Variants in SLC67A1 observed in about 807,000 individuals in gnomAD.
The protein encoded by SLC67A1 is solute carrier family 67 member A1.
At chr11:2,923,889 G>A in the SLC67A1 span, among the ~76,000 whole-genome samples, 2 of 152,236 alleles carry the variant, frequency 1.3e-5, no homozygotes, top group Non-Finnish European at 2.9e-5. The surrounding 1 kb of genome is among the most constrained non-coding windows in gnomAD (Gnocchi z 6.5). Context: ...ACTGCACCCT[G>A]AGTCTGCAGA....
chr11:2,918,006 T>G, the SLC67A1 span: 11 of 1,613,174 alleles, frequency 6.8e-6, no homozygotes, highest in Middle Eastern at 1.6e-4. Context: ...CGGGCCAGTG[T>G]GTTCGACCTG....
At chr11:2,924,971 G>T in the SLC67A1 span, 1 of 1,559,958 alleles carries the variant, frequency 6.4e-7, no homozygotes, top group South Asian at 1.2e-5. The surrounding 1 kb of genome is among the most constrained non-coding windows in gnomAD (Gnocchi z 8.6). Flanking sequence ...TTGGCCCAGG[G>T]AGCTGCCCAG....
the SLC67A1 span, chr11:2,902,836 G>T: frequency 2.1e-4 from 155 of 731,750 alleles, 4 homozygotes; most frequent in Admixed American, 9.6e-3. Context: ...GACCTTCCCT[G>T]AGAGCTGCAC....
At chr11:2,919,556 A>G in the SLC67A1 span, 1 of 636,738 alleles carries the variant, frequency 1.6e-6, no homozygotes, top group Non-Finnish European at 2.8e-6. Flanking sequence ...AACCAGGCAT[A>G]CAGGCCAGGG....
At chr11:2,917,092 G>A in the SLC67A1 span, 1 of 282,244 alleles carries the variant, frequency 3.5e-6, no homozygotes, top group Non-Finnish European at 7.0e-6. Context: ...GGGTGGGTGG[G>A]CCAGCAAGGC....
chr11:2,902,092 G>A, the SLC67A1 span: 2 of 152,236 alleles, frequency 1.3e-5, no homozygotes, highest in African/African-American at 4.8e-5. Context: ...CGGGCACGGG[G>A]CGAGCCCGCT....
At chr11:2,901,473 G>C in the SLC67A1 span, among the ~76,000 whole-genome samples, 682 of 152,368 alleles carry the variant, frequency 4.5e-3, 3 homozygotes, top group African/African-American at 0.015. Flanking sequence ...CTTGCCTGGG[G>C]AGGAGGTGGG....
the SLC67A1 span, chr11:2,925,242 T>C: frequency 2.6e-6 from 4 of 1,553,386 alleles, no homozygotes; most frequent in Non-Finnish European, 3.5e-6. This position sits in a 1 kb window ranked among gnomAD's most constrained non-coding sequence, Gnocchi z 6.5. Flanking sequence ...ACTAAATCCC[T>C]CCGACCTCTT....
the SLC67A1 span, among the ~76,000 whole-genome samples, chr11:2,912,576 G>T: frequency 1.4e-5 from 2 of 145,490 alleles, no homozygotes; most frequent in Non-Finnish European, 3.0e-5. Flanking sequence ...TGCCTCATCC[G>T]CACCCACCTG....
the SLC67A1 span, chr11:2,918,763 T>C: frequency 6.5e-6 from 1 of 154,238 alleles, no homozygotes; most frequent in Non-Finnish European, 1.4e-5. Context: ...AGTGGTATGA[T>C]CTCAGCTCAC....
chr11:2,903,265 G>C, the SLC67A1 span: 13 of 1,562,892 alleles, frequency 8.3e-6, no homozygotes, highest in South Asian at 1.2e-4. Flanking sequence ...ACCCCTGCCC[G>C]GATCAACTGG....
chr11:2,902,962 C>T, the SLC67A1 span, among the ~76,000 whole-genome samples: 2 of 152,324 alleles, frequency 1.3e-5, no homozygotes, highest in East Asian at 1.9e-4. Context: ...GCCACCACTC[C>T]GAGCCTCTGC....
the SLC67A1 span, chr11:2,903,577 G>A: frequency 1.3e-6 from 2 of 1,482,392 alleles, 1 homozygote; most frequent in South Asian, 2.4e-5. Flanking sequence ...GCAGAGAGTG[G>A]GGGTGGGGGT....
At chr11:2,907,979 G>C in the SLC67A1 span, among the ~76,000 whole-genome samples, 1 of 152,154 alleles carries the variant, frequency 6.6e-6, no homozygotes, top group African/African-American at 2.4e-5. The surrounding 1 kb of genome is among the most constrained non-coding windows in gnomAD (Gnocchi z 6.7). Flanking sequence ...GCCCCCAGAG[G>C]GGAAGGACCC....
At chr11:2,916,765 C>T in the SLC67A1 span, 1 of 1,593,296 alleles carries the variant, frequency 6.3e-7, no homozygotes, top group South Asian at 1.1e-5. Flanking sequence ...GTACACCCTG[C>T]CCAGATGCTG....
the SLC67A1 span, chr11:2,919,574 G>A: frequency 3.3e-6 from 2 of 603,018 alleles, no homozygotes; most frequent in South Asian, 2.0e-5. Flanking sequence ...GGGAGGGAGA[G>A]CCAACTGCAG....
At chr11:2,905,989 C>T in the SLC67A1 span, among the ~76,000 whole-genome samples, 3 of 152,226 alleles carry the variant, frequency 2.0e-5, no homozygotes, top group Admixed American at 6.5e-5. Flanking sequence ...TGGGATGTGA[C>T]GCAGGCAGGG....
chr11:2,922,045 A>G, the SLC67A1 span: 4 of 1,326,722 alleles, frequency 3.0e-6, no homozygotes, highest in Non-Finnish European at 3.3e-6. Flanking sequence ...GCCACAGTCC[A>G]GACGCCCCTC....
At chr11:2,913,970 C>A in the SLC67A1 span, among the ~76,000 whole-genome samples, 1 of 152,062 alleles carries the variant, frequency 6.6e-6, no homozygotes, top group African/African-American at 2.4e-5. Flanking sequence ...GGGCAGGATG[C>A]AGGTGGGCTG....
Sources: allele counts gnomAD v4.1 joint callset (sites outside exome capture counted in the v4.1 genomes callset), GRCh38; gene constraint gnomAD v4.1.1; non-coding constraint Gnocchi (gnomAD v3.1); transcripts MANE v1.5; gene names NCBI Gene and HGNC (gene_info 2026-07-23, HGNC 2026-07-21).